The following TESK2 variants were observed in gnomAD, a reference collection of about 807,000 sequenced individuals.
TESK2 encodes dual specificity testis-specific protein kinase 2.
In TESK2, 39 loss-of-function variants were observed where a neutral mutation model predicts 57.1. That is an observed-to-expected ratio of 0.68 (90% CI 0.53 to 0.89). The LOEUF (loss-of-function observed/expected upper bound fraction) is 0.89, where lower values mean the gene tolerates loss of function less well. Among genes scored for constraint, TESK2 ranks in the 40% least tolerant of loss-of-function variants. The probability of loss-of-function intolerance (pLI) is 0.00; values close to 1 mark genes in which losing one functional copy is unlikely to be tolerated. For synonymous variants in TESK2, 249 were observed against 267.9 expected (o/e 0.93, Z 0.69); for missense variants, 646 against 732.1 (o/e 0.88, Z 1.36).
chr1:45,365,001 C>A (rs1331099148), intron 4 of TESK2, among the ~76,000 whole-genome samples: 1 of 152,200 alleles, frequency 6.6e-6, no homozygotes. Context: ...TGGGCCCCGA[C>A]CTAGTTTTCA....
At chr1:45,476,504 A>G (rs1214820788) in intron 1 of TESK2, among the ~76,000 whole-genome samples, 1 of 151,650 alleles carries the variant, frequency 6.6e-6, no homozygotes, top group Non-Finnish European at 1.5e-5. Flanking sequence ...AAGACCAATC[A>G]ATCAATCCAT....
intron 4 of TESK2, among the ~76,000 whole-genome samples, chr1:45,376,213 C>T (rs200355308): frequency 1.2e-5 from 1 of 80,682 alleles, no homozygotes; most frequent in Non-Finnish European, 2.3e-5. Context: ...CTTTCTCTCT[C>T]TTTTTTTTTT....
chr1:45,461,146 C>G (rs888326683), intron 1 of TESK2, among the ~76,000 whole-genome samples: 1 of 143,114 alleles, frequency 7.0e-6, no homozygotes. Flanking sequence ...CAGGTGTGAA[C>G]TGCCCCTGGC....
At chr1:45,438,790 T>C (rs1366971261) in intron 2 of TESK2, among the ~76,000 whole-genome samples, 1 of 152,136 alleles carries the variant, frequency 6.6e-6, no homozygotes, top group East Asian at 1.9e-4. Context: ...AGTATTTGGT[T>C]TGATGAAAAC....
intron 7 of TESK2, 117 bp from the exon 8 acceptor site, chr1:45,347,179 C>T (rs1224688131): frequency 1.2e-6 from 1 of 804,684 alleles, no homozygotes; most frequent in East Asian, 2.6e-5. Flanking sequence ...GGCCATATTG[C>T]CCATACTTCA....
chr1:45,386,867 T>G (rs1308662525), intron 3 of TESK2, among the ~76,000 whole-genome samples: 1 of 152,162 alleles, frequency 6.6e-6, no homozygotes, highest in Non-Finnish European at 1.5e-5. Flanking sequence ...TTGGCCAGGA[T>G]GGTCTCAATC....
intron 1 of TESK2, 79 bp from the exon 2 acceptor site, chr1:45,457,950 T>C: frequency 1.7e-6 from 1 of 599,868 alleles, no homozygotes; most frequent in Non-Finnish European, 2.9e-6. Flanking sequence ...AATGCAAAAA[T>C]ATTTCCTTTC....
chr1:45,390,771 GTTA>G (rs138838014), intron 3 of TESK2, among the ~76,000 whole-genome samples: 5,167 of 149,998 alleles, frequency 0.034, 103 homozygotes, highest in South Asian at 0.051. Context: ...TATTGTTATT[GTTA>G]TTATTATTAT....
At chr1:45,351,692 G>A (rs1378195249) in intron 5 of TESK2, among the ~76,000 whole-genome samples, 1 of 152,228 alleles carries the variant, frequency 6.6e-6, no homozygotes, top group East Asian at 1.9e-4. Flanking sequence ...CAGACTGGGA[G>A]CACGGAGGTT....
chr1:45,420,245 CA>C (rs1650415455), intron 3 of TESK2, among the ~76,000 whole-genome samples: 1 of 151,994 alleles, frequency 6.6e-6, no homozygotes. Flanking sequence ...TTAACAAAAT[CA>C]TTTTTGTTTT....
chr1:45,403,154 G>A (rs984053599), intron 3 of TESK2, among the ~76,000 whole-genome samples: 5 of 150,890 alleles, frequency 3.3e-5, no homozygotes, highest in Non-Finnish European at 1.5e-5. Flanking sequence ...TGTGGGGCAC[G>A]CCTGTGGTCC....
rs77232306 is a variant in TESK2, at chr1:45,412,297, C to T, written c.344+9428G>A. Among the ~76,000 whole-genome samples the T allele has an allele frequency of 5.1e-3, 773 of 152,246 alleles. 7 individuals are homozygous for T. The highest frequency in any genetic ancestry group is 0.018 in the African/African-American group (731 of 41,556). On this transcript the variant is annotated intron_variant, in intron 3 of 10. Transcript: ENST00000372086. Reference sequence around the variant, plus strand: ...AAGTGAAGAAGGCTGAATTACAGCCCACATATACGGGAAGGAATAGATGCA... The same window carrying T: ...AAGTGAAGAAGGCTGAATTACAGCCTACATATACGGGAAGGAATAGATGCA...
At chr1:45,447,925 A>G (rs1379638291) in intron 2 of TESK2, among the ~76,000 whole-genome samples, 1 of 152,100 alleles carries the variant, frequency 6.6e-6, no homozygotes, top group African/African-American at 2.4e-5. Context: ...GATCTATATG[A>G]GAAAAACCAC....
chr1:45,435,769 C>A (rs72894338), intron 2 of TESK2, among the ~76,000 whole-genome samples: 6,818 of 151,452 alleles, frequency 0.045, 556 homozygotes, highest in African/African-American at 0.16. Context: ...GAGTCTCACT[C>A]TTTTGCCCAG....
In TESK2 at chr1:45,471,683, G is replaced by C. The variant is rs535114529; in HGVS notation, c.-86-13812C>G. Among the ~76,000 whole-genome samples, 15 of 152,174 alleles carry C rather than the reference G, an allele frequency of 9.9e-5. No homozygotes were observed. In the East Asian group the frequency reaches 2.9e-3, roughly 29 times the overall value. On this transcript the variant is annotated intron_variant, in intron 1 of 10. Coordinates refer to ENST00000372086, the MANE Select transcript of TESK2 (RefSeq NM_007170.3). The stretch of plus-strand genomic sequence containing the variant: ...AGCCTCCCAAAGTGCTGAGATTACA[G>C]GCATGAGCCACTGCACCCAAACAAG...
intron 4 of TESK2, among the ~76,000 whole-genome samples, chr1:45,359,606 G>A (rs1312827592): frequency 6.6e-6 from 1 of 151,582 alleles, no homozygotes; most frequent in Non-Finnish European, 1.5e-5. Context: ...GCTCACACCT[G>A]TATTCCTAGC....
At chr1:45,400,779 T>C (rs1023386156) in intron 3 of TESK2, among the ~76,000 whole-genome samples, 3 of 152,058 alleles carry the variant, frequency 2.0e-5, no homozygotes, top group African/African-American at 7.2e-5. Flanking sequence ...CCCAGCACTT[T>C]GGGAGGCCAA....
At chr1:45,350,225 A>G (rs1325470839) in intron 5 of TESK2, among the ~76,000 whole-genome samples, 1 of 152,210 alleles carries the variant, frequency 6.6e-6, no homozygotes, top group African/African-American at 2.4e-5. Context: ...AGCTGACAAG[A>G]GACTCAAAAG....
intron 1 of TESK2, among the ~76,000 whole-genome samples, chr1:45,480,414 C>A (rs538458371): frequency 3.4e-5 from 5 of 149,142 alleles, no homozygotes; most frequent in South Asian, 2.1e-4. Context: ...GCCAAGATTG[C>A]GCCACTGCAC....
Sources: gnomAD v4.1 joint callset for allele counts (sites outside exome capture counted in the v4.1 genomes callset) on GRCh38, gnomAD v4.1.1 for gene constraint, MANE v1.5 for transcripts, NCBI Gene and HGNC (gene_info 2026-07-23, HGNC 2026-07-21) for gene names.